Variants in BRAP observed in about 807,000 individuals in gnomAD.
BRAP encodes the protein BRCA1 associated protein.
In BRAP, 42 loss-of-function variants were observed where a neutral mutation model predicts 73.4. The observed-to-expected ratio is 0.57, with a 90% CI of 0.45 to 0.74. The LOEUF (loss-of-function observed/expected upper bound fraction) is 0.74, where lower values mean the gene tolerates loss of function less well. Among genes scored for constraint, BRAP ranks in the 30% least tolerant of loss-of-function variants. The probability of loss-of-function intolerance (pLI) is 0.00; values close to 1 mark genes in which losing one functional copy is unlikely to be tolerated. For missense variants in BRAP, 593 were observed against 751.4 expected (o/e 0.79, Z 2.46); for synonymous variants, 255 against 267.4 (o/e 0.95, Z 0.45).
intron 10 of BRAP, among the ~76,000 whole-genome samples, chr12:111,652,165 G>T (rs950504315): frequency 1.3e-5 from 2 of 152,132 alleles, no homozygotes; most frequent in Non-Finnish European, 2.9e-5. Context: ...GGACAGTAAA[G>T]ATACTTAAGC....
intron 10 of BRAP, among the ~76,000 whole-genome samples, chr12:111,650,257 C>T (rs1379375342): frequency 1.3e-5 from 2 of 151,876 alleles, no homozygotes; most frequent in Non-Finnish European, 2.9e-5. Context: ...ATTAAAAATG[C>T]CGGGAAATCT....
At chr12:111,671,123 G>C (rs1395939509) in intron 5 of BRAP, among the ~76,000 whole-genome samples, 1 of 150,792 alleles carries the variant, frequency 6.6e-6, no homozygotes, top group Non-Finnish European at 1.5e-5. Flanking sequence ...AAAGGAAAAA[G>C]AAATCTTAAT....
chr12:111,670,254 C>A, intron 5 of BRAP: 1 of 596,572 alleles, frequency 1.7e-6, no homozygotes, highest in African/African-American at 1.8e-5. Context: ...CTGGAACTTT[C>A]CCCTCCATTA....
intron 3 of BRAP, among the ~76,000 whole-genome samples, chr12:111,681,147 A>G (rs1402910303): frequency 2.0e-5 from 3 of 152,078 alleles, no homozygotes; most frequent in Non-Finnish European, 4.4e-5. Flanking sequence ...AGGCGGGCGG[A>G]TAACCTGAGG....
At chr12:111,646,799 T>A (rs900291226) in intron 11 of BRAP, among the ~76,000 whole-genome samples, 2 of 152,008 alleles carry the variant, frequency 1.3e-5, no homozygotes, top group African/African-American at 4.8e-5. Context: ...AAACAAAAAA[T>A]TTGCATGCCC....
chr12:111,683,688 G>A (rs1374074363), intron 1 of BRAP, among the ~76,000 whole-genome samples: 3 of 151,966 alleles, frequency 2.0e-5, no homozygotes, highest in East Asian at 1.9e-4. Flanking sequence ...TTACAGGCAC[G>A]TGCCACCACG....
At chr12:111,664,787 TTCC>T (rs1185135665) in intron 6 of BRAP, among the ~76,000 whole-genome samples, 1 of 152,150 alleles carries the variant, frequency 6.6e-6, no homozygotes, top group East Asian at 1.9e-4. Flanking sequence ...GAACATGATC[TTCC>T]CCTTCCCCCA....
At chr12:111,684,663 GT>G (rs796561385) in intron 1 of BRAP, among the ~76,000 whole-genome samples, 10 of 147,948 alleles carry the variant, frequency 6.8e-5, no homozygotes, top group African/African-American at 1.2e-4. Context: ...ATGAGCATAA[GT>G]TTTTTTTTTG....
rs750051081 is a variant in BRAP, at chr12:111,665,655, G to A, written c.880C>T (p.Arg294Cys). 1.1e-5 allele frequency: 17 copies of A among 1,614,024 alleles called. No homozygotes were observed. The highest frequency in any genetic ancestry group is 5.5e-5 in the South Asian group (5 of 91,086). The change falls in exon 6 of 12, where the codon CGC (arginine) becomes TGC (cysteine). Residue 294 changes from arginine (R) to cysteine (C), a missense_variant. Physicochemically the swap from Arg to Cys is radical, Grantham distance 180. This residue lies in a region of BRAP where 67 missense variants were observed against 158.0 expected (regional missense o/e 0.42). Transcript: ENST00000419234. The surrounding 1 kb of genome is among the most constrained non-coding windows in gnomAD (Gnocchi z 4.3). ...NHSFHSQCLQRWDDTTCPVCR... is the reference protein window; with the variant it reads ...NHSFHSQCLQCWDDTTCPVCR... ...TGCACTCACGTGGTATCGTCCCAGC[G>A]CTGTAGACACTGGCTGTGGAAGCTG...
At chr12:111,653,590 A>C (rs1296823588) in intron 10 of BRAP, among the ~76,000 whole-genome samples, 1 of 152,154 alleles carries the variant, frequency 6.6e-6, no homozygotes, top group Non-Finnish European at 1.5e-5. Context: ...CACTGGGGGA[A>C]AGAAACAGTG....
intron 5 of BRAP, chr12:111,670,335 G>A (rs577017677): frequency 8.8e-5 from 43 of 487,850 alleles, no homozygotes; most frequent in Non-Finnish European, 1.6e-4. Context: ...GCTCCAGCTC[G>A]CTGAGACTTT....
In BRAP at chr12:111,683,247, A is replaced by C; in HGVS notation, c.143T>G (p.Leu48Ter). The C allele has an allele frequency of 6.2e-7, 1 of 1,614,118 alleles. No individual in the cohort carries two copies. The highest frequency in any genetic ancestry group is 8.5e-7 in the Non-Finnish European group (1 of 1,180,016). ...KTTLASAVAC[L>*]EGKSPGEKVA... ...TTTCTCTCCTGGTGACTTGCCTTCT[A>C]AACAGGCTACAGCTGAGGCTAGTGT... The change falls in exon 2 of 12, where the codon TTA becomes TGA. Residue 48 changes from leucine (L) to a stop codon, truncating the protein, a stop_gained. Coordinates refer to ENST00000419234, the MANE Select transcript of BRAP (RefSeq NM_006768.5). LOFTEE classifies it high-confidence loss of function.
chr12:111,645,396 T>C (rs1334486054), intron 11 of BRAP, among the ~76,000 whole-genome samples: 2 of 152,198 alleles, frequency 1.3e-5, no homozygotes, highest in African/African-American at 4.8e-5. Context: ...CACTTTTTTT[T>C]AAGCATCAGA....
chr12:111,669,304 A>G (rs1887080305), intron 5 of BRAP, among the ~76,000 whole-genome samples: 1 of 150,972 alleles, frequency 6.6e-6, no homozygotes, highest in South Asian at 2.1e-4. Flanking sequence ...ATCTTGGCTC[A>G]CCGCAACCTC....
At chr12:111,661,433 C>A (rs531327954) in intron 6 of BRAP, among the ~76,000 whole-genome samples, 1 of 152,020 alleles carries the variant, frequency 6.6e-6, no homozygotes, top group South Asian at 2.1e-4. Flanking sequence ...GCATGCGCCA[C>A]CACGCCCAGC....
chr12:111,683,300 T>C lies in BRAP; in HGVS notation c.90A>G (p.Glu30=). 1 of 1,609,476 alleles carries C rather than the reference T, an allele frequency of 6.2e-7. No individual in the cohort carries two copies. Among genetic ancestry groups the C allele is most frequent in the South Asian group, 1.1e-5 (1 of 90,120 alleles). ...AGFGFSAAAG[E]MSDEEIKKTT... Reference sequence around the variant, plus strand: ...TCTTTTTTATCTCCTCATCAGACATTTCCCCGGCTAAAGAACACATGAATG... The same window carrying C: ...TCTTTTTTATCTCCTCATCAGACATCTCCCCGGCTAAAGAACACATGAATG... The change falls in exon 2 of 12, where the codon GAA becomes GAG. Residue 30 remains glutamate (E), a synonymous_variant. Transcript: ENST00000419234.
At position 111,683,255 on chromosome 12, in the gene BRAP, T is replaced by C; in HGVS notation, c.135A>G (p.Val45=). ...CTGGTGACTTGCCTTCTAAACAGGC[T>C]ACAGCTGAGGCTAGTGTCGTCTTTT... ...EIKKTTLASA[V]ACLEGKSPGE... Residue 45 remains valine, a synonymous_variant, in exon 2 of 12, where the codon GTA becomes GTG. Coordinates refer to ENST00000419234, the MANE Select transcript of BRAP (RefSeq NM_006768.5). 6.2e-7 allele frequency: 1 copy of C among 1,614,144 alleles called. No individual in the cohort carries two copies.
At position 111,643,367 on chromosome 12, in the gene BRAP, A is replaced by T. The variant is rs531214120; in HGVS notation, c.*832T>A. 9 of 152,218 alleles carry T rather than the reference A, an allele frequency of 5.9e-5. No homozygotes were observed. The highest frequency in any genetic ancestry group is 1.3e-4 in the Non-Finnish European group (9 of 68,050). 9.4% of individuals were successfully genotyped at this position (152,218 alleles called of 1,614,324 possible). On this transcript the variant is annotated 3_prime_UTR_variant, in exon 12 of 12. Transcript: ENST00000419234. ...ATTAGCTAGTCAGAGGCCTCACTCT[A>T]CATTTTCACACGGATGAGAAATCTC...
At position 111,660,661 on chromosome 12, in the gene BRAP, C is replaced by T; in HGVS notation, c.911G>A (p.Arg304Gln). ...RWDDTTCPVC[R>Q]YCQTPEPVEE... ...TACTGGCTCGGGCGTTTGACAGTAC[C>T]GGCAAACAGGACACCTATCCAGGAC... Residue 304 changes from arginine (R) to glutamine (Q), a missense_variant, in exon 7 of 12, where the codon CGG (arginine) becomes CAG (glutamine). By Grantham distance (43) the Arg-to-Gln change is conservative. Around this residue, in one of 4 missense-constraint regions of BRAP, gnomAD observed 67 missense variants for 158.0 expected, o/e 0.42. Transcript: ENST00000419234. 1 of 1,607,060 alleles carries T rather than the reference C, an allele frequency of 6.2e-7. No homozygotes were observed. Among genetic ancestry groups the T allele is most frequent in the Non-Finnish European group, 8.5e-7 (1 of 1,176,468 alleles).
Sources: gnomAD v4.1 joint callset for allele counts (sites outside exome capture counted in the v4.1 genomes callset) on GRCh38, gnomAD v4.1.1 for gene constraint, gnomAD v4.1.1 regional missense constraint, Gnocchi (gnomAD v3.1) non-coding constraint, MANE v1.5 for transcripts, NCBI Gene and HGNC (gene_info 2026-07-23, HGNC 2026-07-21) for gene names.